The following TEX22 variants were observed in gnomAD, a reference collection of about 807,000 sequenced individuals.
TEX22 encodes testis expressed 22, also known as testis-expressed protein 22.
Under a neutral mutation model 11.3 loss-of-function variants are expected in TEX22, and 16 were observed. That is an observed-to-expected ratio of 1.42 (90% CI 0.96 to 2.15). The LOEUF is 2.15. Among genes scored for constraint, TEX22 ranks in the 30% most tolerant of loss-of-function variants. TEX22 has a pLI of 0.00. For synonymous variants in TEX22, 97 were observed against 92.3 expected, an observed-to-expected ratio of 1.05 and a Z score of -0.29; for missense variants, 220 against 208.6, an observed-to-expected ratio of 1.05 and a Z score of -0.34.
rs587729742 is a variant in TEX22, at chr14:105,402,649, G to A, written c.150+3159G>A. 1.8e-4 allele frequency among the ~76,000 whole-genome samples: 27 copies of A among 152,008 alleles called. No individual in the cohort carries two copies. In the South Asian group the frequency reaches 4.0e-3, roughly 22 times the overall value. On this transcript the variant is annotated intron_variant, in intron 2 of 3. Transcript: ENST00000451127. ...CGGGCGCCTGTAGTCCCAGCTACTC[G>A]GGAGGCTGAGGCAGGAGAATGGCGT...
At position 105,412,704 on chromosome 14, in the gene TEX22, G is replaced by C. The variant is rs587728706; in HGVS notation, c.*871G>C. The C allele has an allele frequency of 1.3e-5, 2 of 152,154 alleles. No homozygotes were observed. Among genetic ancestry groups the C allele is most frequent in the Non-Finnish European group, 2.9e-5 (2 of 68,030 alleles). 9.4% of individuals were successfully genotyped at this position (152,154 alleles called of 1,614,324 possible). On this transcript the variant is annotated 3_prime_UTR_variant, in exon 4 of 4. Transcript: ENST00000451127. This position sits in a 1 kb window ranked among gnomAD's most constrained non-coding sequence, Gnocchi z 5.8. ...CATGGGTTCCCAGCCCGGGGTGGGT[G>C]GGGGTGGGGAAAGGGCCCTGAACTC...
Position 105,399,370 on chromosome 14 carries a change from G to T in TEX22, c.30G>T (p.Gly10=), listed in dbSNP as rs782048787. 1 of 1,535,658 alleles carries T rather than the reference G, an allele frequency of 6.5e-7. No individual in the cohort carries two copies. Among genetic ancestry groups the T allele is most frequent in the Non-Finnish European group, 8.7e-7 (1 of 1,146,790 alleles). The change falls in exon 2 of 4, where the codon GGG becomes GGT. Residue 10 remains glycine, a synonymous_variant. Coordinates refer to ENST00000451127, the MANE Select transcript of TEX22 (RefSeq NM_001195082.2). MDSRKLSPR[G]KKLESHLSQE... is the part of the protein sequence containing the mutation. The stretch of plus-strand genomic sequence containing the variant: ...ACAGCAGGAAACTGTCCCCCCGGGG[G>T]AAGAAGCTGGAGTCGCACCTCTCCC...
chr14:105,403,498 C>T (rs1372133068), intron 2 of TEX22, among the ~76,000 whole-genome samples: 1 of 152,238 alleles, frequency 6.6e-6, no homozygotes, highest in African/African-American at 2.4e-5. Context: ...TCACAGCTCA[C>T]TACAGCCTGG....
chr14:105,407,660 G>A (rs781901781), intron 2 of TEX22, among the ~76,000 whole-genome samples: 1 of 152,202 alleles, frequency 6.6e-6, no homozygotes, highest in Non-Finnish European at 1.5e-5. Context: ...GAGAGCCACT[G>A]CACTCTGCCA....
At chr14:105,409,183 C>T (rs1265753198) in intron 2 of TEX22, among the ~76,000 whole-genome samples, 2 of 152,014 alleles carry the variant, frequency 1.3e-5, no homozygotes, top group Non-Finnish European at 2.9e-5. Context: ...CTCCCCTCCC[C>T]CTACAATCCG....
chr14:105,404,313 G>T (rs4983612), intron 2 of TEX22, among the ~76,000 whole-genome samples: 150,365 of 152,248 alleles, frequency 0.99, 74,274 homozygotes, highest in East Asian at 1. Context: ...GAGTGAGTGA[G>T]TGGAGAGAGT....
At chr14:105,402,836 A>G (rs2081639968) in intron 2 of TEX22, among the ~76,000 whole-genome samples, 1 of 152,048 alleles carries the variant, frequency 6.6e-6, no homozygotes, top group South Asian at 2.1e-4. Flanking sequence ...AATAGCATGT[A>G]GAGCTCCTGA....
chr14:105,399,360 C>T lies in TEX22; in HGVS notation c.20C>T (p.Ser7Phe), dbSNP rs1311253989. Reference protein sequence around the residue: MDSRKLSPRGKKLESHL... With the variant: MDSRKLFPRGKKLESHL... The stretch of plus-strand genomic sequence containing the variant: ...CTAGAGATGGACAGCAGGAAACTGT[C>T]CCCCCGGGGGAAGAAGCTGGAGTCG... The change falls in exon 2 of 4, where the codon TCC (serine) becomes TTC (phenylalanine). Residue 7 changes from serine (S) to phenylalanine (F), a missense_variant. Coordinates refer to ENST00000451127, the MANE Select transcript of TEX22 (RefSeq NM_001195082.2). 4.6e-6 allele frequency: 7 copies of T among 1,532,618 alleles called. No individual in the cohort carries two copies. The East Asian group carries it at 9.8e-5, about 22-fold the overall frequency. The allele number at this position is 1,532,618 out of a possible 1,614,324, so 94.9% of individuals were successfully genotyped here.
intron 2 of TEX22, among the ~76,000 whole-genome samples, chr14:105,402,867 G>C (rs184137804): frequency 3.6e-4 from 55 of 152,258 alleles, no homozygotes; most frequent in African/African-American, 1.3e-3. Context: ...TATCATATTG[G>C]ATGGGCAGAT....
intron 3 of TEX22, 25 bp downstream of exon 3, chr14:105,411,521 G>GGGGCCCCCCCCCC: frequency 2.2e-6 from 1 of 458,520 alleles, no homozygotes; most frequent in Non-Finnish European, 2.8e-6. Context: ...GGTCCTCCCC[G>GGGGCCCCCCCCCC]CCCCGTCCCC....
chr14:105,411,482 C>G lies in TEX22; in HGVS notation c.265C>G (p.Gln89Glu), dbSNP rs1307840223. 3 of 1,242,360 alleles carry G rather than the reference C, an allele frequency of 2.4e-6. No homozygotes were observed. Among genetic ancestry groups the G allele is most frequent in the African/African-American group, 1.6e-5 (1 of 63,756 alleles). 77.0% of individuals were successfully genotyped at this position (1,242,360 alleles called of 1,614,324 possible). A position where few individuals can be genotyped will look rare whatever the true frequency, so the allele number is the denominator to read the frequency against. The change falls in exon 3 of 4, where the codon CAG (glutamine) becomes GAG (glutamate). Residue 89 changes from glutamine (Q) to glutamate (E), a missense_variant. By Grantham distance (29) the Gln-to-Glu change is conservative. Coordinates refer to ENST00000451127, the MANE Select transcript of TEX22 (RefSeq NM_001195082.2). ...GGAGAGGCCGGGCGCCGCCGGGACC[C>G]AGCTGCACTGCAGGGTGCGCGGGGG... ...GRERPGAAGT[Q>E]LHCRDVVQMV...
intron 2 of TEX22, among the ~76,000 whole-genome samples, chr14:105,402,714 C>T (rs1293716307): frequency 6.7e-6 from 1 of 148,366 alleles, no homozygotes; most frequent in Non-Finnish European, 1.5e-5. Context: ...CGAGATTGCG[C>T]TACTGCACTC....
In TEX22 at chr14:105,413,818, T is replaced by TACTA. The variant is rs1314483112; in HGVS notation, c.*1986_*1989dup. 1 of 152,260 alleles carries TACTA rather than the reference T, an allele frequency of 6.6e-6. No individual in the cohort carries two copies. 9.4% of individuals were successfully genotyped at this position (152,260 alleles called of 1,614,324 possible). On this transcript the variant is annotated 3_prime_UTR_variant, in exon 4 of 4. Transcript: ENST00000451127. The surrounding 1 kb of genome is among the most constrained non-coding windows in gnomAD (Gnocchi z 4.2). Reference sequence around the variant, plus strand: ...TAGGTTGTCACAACTGGGATTTGTGTACTAGTTTTCTGTAGCTGCCATAAA... The same window carrying TACTA: ...TAGGTTGTCACAACTGGGATTTGTGTACTAACTAGTTTTCTGTAGCTGCCATAAA...
intron 2 of TEX22, among the ~76,000 whole-genome samples, chr14:105,407,924 G>C (rs2081666643): frequency 6.7e-6 from 1 of 148,630 alleles, no homozygotes; most frequent in Non-Finnish European, 1.5e-5. Context: ...GTCTGCATGG[G>C]GGTCTGTCTG....
chr14:105,408,713 C>G (rs149773497), intron 2 of TEX22, among the ~76,000 whole-genome samples: 1 of 152,166 alleles, frequency 6.6e-6, no homozygotes, highest in Non-Finnish European at 1.5e-5. Flanking sequence ...CGTGAGCCAC[C>G]GTGCCCGGCC....
intron 2 of TEX22, among the ~76,000 whole-genome samples, chr14:105,410,235 G>A (rs376802124): frequency 9.9e-5 from 15 of 152,116 alleles, no homozygotes; most frequent in African/African-American, 2.9e-4. Flanking sequence ...GTGCCACCAC[G>A]CCTGGCTAAT....
intron 2 of TEX22, among the ~76,000 whole-genome samples, chr14:105,410,234 C>T (rs782433812): frequency 6.6e-6 from 1 of 152,130 alleles, no homozygotes; most frequent in African/African-American, 2.4e-5. Flanking sequence ...TGTGCCACCA[C>T]GCCTGGCTAA....
intron 3 of TEX22, 53 bp from the exon 4 acceptor site, chr14:105,411,607 C>A: frequency 6.7e-7 from 1 of 1,490,482 alleles, no homozygotes; most frequent in Non-Finnish European, 8.9e-7. Context: ...TCCCGGGCCC[C>A]GCCGTTGTCC....
At chr14:105,408,960 C>T (rs1228141607) in intron 2 of TEX22, among the ~76,000 whole-genome samples, 1 of 151,000 alleles carries the variant, frequency 6.6e-6, no homozygotes, top group Admixed American at 6.6e-5. Context: ...CCCCCTCCCC[C>T]TCCTCCTGCT....
Sources: allele counts gnomAD v4.1 joint callset (sites outside exome capture counted in the v4.1 genomes callset), GRCh38; gene constraint gnomAD v4.1.1; non-coding constraint Gnocchi (gnomAD v3.1); transcripts MANE v1.5; gene names NCBI Gene and HGNC (gene_info 2026-07-23, HGNC 2026-07-21).